The following CCDC30 variants were observed in gnomAD, a reference collection of about 807,000 sequenced individuals.
CCDC30 encodes coiled-coil domain-containing protein 30.
A neutral mutation model predicts 100.2 loss-of-function variants in CCDC30; 70 were observed. The observed-to-expected ratio is 0.70, with a 90% CI of 0.58 to 0.85. The LOEUF (loss-of-function observed/expected upper bound fraction) is 0.85. Ranked by LOEUF, CCDC30 falls within the 40% of genes least tolerant of loss-of-function variation. CCDC30 has a pLI of 0.00. For synonymous variants in CCDC30, 233 were observed against 269.5 expected, an observed-to-expected ratio of 0.86 and a Z score of 1.33; for missense variants, 652 against 771.2, an observed-to-expected ratio of 0.85 and a Z score of 1.83.
chr1:42,566,937 C>A (rs942272610), intron 7 of CCDC30, among the ~76,000 whole-genome samples: 4 of 152,150 alleles, frequency 2.6e-5, no homozygotes, highest in Non-Finnish European at 4.4e-5. Context: ...TAAAAATAAT[C>A]TATGTAGAAC....
At chr1:42,570,381 A>T (rs1356761801) in intron 7 of CCDC30, among the ~76,000 whole-genome samples, 4 of 152,116 alleles carry the variant, frequency 2.6e-5, no homozygotes, top group Non-Finnish European at 5.9e-5. Flanking sequence ...AAAAAGAAAA[A>T]GAAACCAAAA....
intron 1 of CCDC30, among the ~76,000 whole-genome samples, chr1:42,465,342 G>GT (rs895371915): frequency 4.0e-5 from 6 of 151,766 alleles, no homozygotes; most frequent in African/African-American, 9.7e-5. Flanking sequence ...TTCTAGGACA[G>GT]TTTTTTTTGT....
chr1:42,511,294 TA>T (rs1557816047), intron 6 of CCDC30, among the ~76,000 whole-genome samples: 2 of 152,150 alleles, frequency 1.3e-5, no homozygotes, highest in Admixed American at 6.5e-5. Context: ...TTTGACTTCC[TA>T]GACTTATGTG....
chr1:42,616,827 A>G (rs1338410364), intron 11 of CCDC30, among the ~76,000 whole-genome samples: 3 of 152,226 alleles, frequency 2.0e-5, no homozygotes, highest in East Asian at 3.8e-4. Context: ...CTGCATCAAC[A>G]TGCTTTCCAA....
At chr1:42,573,329 A>G (rs1295380029) in intron 7 of CCDC30, among the ~76,000 whole-genome samples, 1 of 152,092 alleles carries the variant, frequency 6.6e-6, no homozygotes, top group Non-Finnish European at 1.5e-5. Flanking sequence ...AAATTTTCTT[A>G]TATATCTTTT....
At chr1:42,506,502 A>G (rs1644397338) in intron 6 of CCDC30, among the ~76,000 whole-genome samples, 1 of 152,244 alleles carries the variant, frequency 6.6e-6, no homozygotes, top group Non-Finnish European at 1.5e-5. Context: ...CTTCAATCTT[A>G]ATTATGATTA....
At chr1:42,522,602 A>G (rs890153298) in intron 6 of CCDC30, among the ~76,000 whole-genome samples, 3 of 152,232 alleles carry the variant, frequency 2.0e-5, no homozygotes, top group Non-Finnish European at 2.9e-5. Flanking sequence ...TAACTTCAGT[A>G]TCATACAAAA....
chr1:42,649,857 AG>A (rs1648184121), intron 15 of CCDC30, among the ~76,000 whole-genome samples: 1 of 152,198 alleles, frequency 6.6e-6, no homozygotes, highest in South Asian at 2.1e-4. Flanking sequence ...TAACTTCAAA[AG>A]AAATAAACTA....
upstream of CCDC30, chr1:42,460,361 T>TA: frequency 6.1e-6 from 6 of 987,158 alleles, no homozygotes; most frequent in Non-Finnish European, 7.2e-6. Flanking sequence ...AATGGATGTA[T>TA]AAAAAAATCA....
chr1:42,458,793 T>G (rs1304131147), upstream of CCDC30, among the ~76,000 whole-genome samples: 1 of 152,222 alleles, frequency 6.6e-6, no homozygotes, highest in Non-Finnish European at 1.5e-5. Context: ...GGATTGGGGA[T>G]GAGGTACTAG....
At chr1:42,631,393 A>T (rs1647035385) in intron 11 of CCDC30, among the ~76,000 whole-genome samples, 1 of 152,156 alleles carries the variant, frequency 6.6e-6, no homozygotes, top group South Asian at 2.1e-4. Flanking sequence ...AAGCACCCTT[A>T]TGGCCACCAC....
At chr1:42,456,674 G>A in the CCDC30 span, 1 of 1,604,566 alleles carries the variant, frequency 6.2e-7, no homozygotes, top group East Asian at 2.2e-5. Context: ...GGGCCGGCGG[G>A]TGGTGTTGGT....
At chr1:42,576,739 C>G (rs564412788) in intron 7 of CCDC30, among the ~76,000 whole-genome samples, 1 of 152,296 alleles carries the variant, frequency 6.6e-6, no homozygotes, top group South Asian at 2.1e-4. Flanking sequence ...CAGAAAGTTT[C>G]ACTGGAGTAG....
intron 6 of CCDC30, among the ~76,000 whole-genome samples, chr1:42,530,247 C>T (rs1175973903): frequency 6.6e-6 from 1 of 152,202 alleles, no homozygotes. Flanking sequence ...TGCCATCTCA[C>T]ATCATCTCAA....
At chr1:42,465,292 C>T (rs1001959498) in intron 1 of CCDC30, among the ~76,000 whole-genome samples, 1 of 152,182 alleles carries the variant, frequency 6.6e-6, no homozygotes, top group Non-Finnish European at 1.5e-5. Context: ...ACCTGGGCTA[C>T]AGAGTGAGAC....
At chr1:42,506,514 T>C (rs1202740152) in intron 6 of CCDC30, among the ~76,000 whole-genome samples, 1 of 152,254 alleles carries the variant, frequency 6.6e-6, no homozygotes, top group Non-Finnish European at 1.5e-5. Flanking sequence ...TTATGATTAA[T>C]AGCATATACA....
intron 15 of CCDC30, among the ~76,000 whole-genome samples, chr1:42,649,540 C>G (rs1011039050): frequency 6.6e-6 from 1 of 152,110 alleles, no homozygotes; most frequent in African/African-American, 2.4e-5. Flanking sequence ...AGATCAAGAA[C>G]AAGACAAGGA....
At chr1:42,638,735 G>A (rs1647213090) in intron 12 of CCDC30, among the ~76,000 whole-genome samples, 1 of 152,130 alleles carries the variant, frequency 6.6e-6, no homozygotes, top group Middle Eastern at 3.4e-3. Flanking sequence ...AATTAGCCGA[G>A]CATGGTGGCA....
chr1:42,535,722 T>TATATATATTATATATATATAATATATA (rs1237819249), intron 6 of CCDC30, among the ~76,000 whole-genome samples: 2 of 5,910 alleles, frequency 3.4e-4, no homozygotes, highest in African/African-American at 1.3e-3. Context: ...TATATATAAA[T>TATATATATTATATATATATAATATATA]TTTAAAAAAT....
Sources: gnomAD v4.1 joint callset for allele counts (sites outside exome capture counted in the v4.1 genomes callset) on GRCh38, gnomAD v4.1.1 for gene constraint, MANE v1.5 for transcripts, NCBI Gene and HGNC (gene_info 2026-07-23, HGNC 2026-07-21) for gene names.